Variants in PHACTR1 observed in about 807,000 individuals in gnomAD.
PHACTR1 encodes the protein phosphatase and actin regulator 1.
A neutral mutation model predicts 69.2 loss-of-function variants in PHACTR1; 16 were observed. That is an observed-to-expected ratio of 0.23 (90% CI 0.16 to 0.35). PHACTR1 has a LOEUF of 0.35. Ranked by LOEUF, PHACTR1 falls within the 10% of genes least tolerant of loss-of-function variation. The pLI, the probability that PHACTR1 is intolerant of heterozygous loss-of-function variation, is 1.00. For missense variants in PHACTR1, 510 were observed against 734.7 expected (o/e 0.69, Z 3.54); for synonymous variants, 312 against 284.5 (o/e 1.10, Z -0.97).
chr6:12,986,718 G>T (rs973829936), intron 4 of PHACTR1, among the ~76,000 whole-genome samples: 3 of 152,240 alleles, frequency 2.0e-5, no homozygotes, highest in Non-Finnish European at 2.9e-5. Context: ...CGGAAGATTG[G>T]TGGGGAGGAG....
intron 10 of PHACTR1, among the ~76,000 whole-genome samples, chr6:13,261,367 C>A (rs1775886359): frequency 6.6e-6 from 1 of 152,304 alleles, no homozygotes; most frequent in East Asian, 1.9e-4. Flanking sequence ...GGAAAAGTCA[C>A]CAAGTAGCAT....
At chr6:12,903,078 A>G (rs775490761) in intron 4 of PHACTR1, among the ~76,000 whole-genome samples, 1 of 152,124 alleles carries the variant, frequency 6.6e-6, no homozygotes, top group Non-Finnish European at 1.5e-5. Context: ...GGTGGTGAAG[A>G]GCGAGGGTCC....
intron 4 of PHACTR1, among the ~76,000 whole-genome samples, chr6:12,936,287 A>C (rs577538456): frequency 5.7e-4 from 87 of 152,318 alleles, no homozygotes; most frequent in Non-Finnish European, 1.1e-3. Flanking sequence ...CCACCTATCC[A>C]CTTATCTATA....
At chr6:12,724,810 A>G (rs1165005806) in intron 3 of PHACTR1, among the ~76,000 whole-genome samples, 1 of 152,196 alleles carries the variant, frequency 6.6e-6, no homozygotes, top group Non-Finnish European at 1.5e-5. Context: ...CCACTGTGTG[A>G]GGTTTCTTTT....
chr6:12,777,052 G>A (rs1263859663), intron 4 of PHACTR1, among the ~76,000 whole-genome samples: 2 of 152,120 alleles, frequency 1.3e-5, no homozygotes, highest in Admixed American at 6.5e-5. Flanking sequence ...CCACAAAAAT[G>A]TGTGTGGTGT....
chr6:12,840,915 G>A (rs1345668846), intron 4 of PHACTR1, among the ~76,000 whole-genome samples: 1 of 152,192 alleles, frequency 6.6e-6, no homozygotes, highest in East Asian at 1.9e-4. Context: ...TACAGACTCA[G>A]CAATTGAGTT....
At chr6:13,032,057 G>A (rs1024115746) in intron 4 of PHACTR1, among the ~76,000 whole-genome samples, 9 of 152,114 alleles carry the variant, frequency 5.9e-5, no homozygotes, top group African/African-American at 2.2e-4. Context: ...CCAAATTTCA[G>A]CATCAGGAAA....
chr6:13,158,430 A>G (rs1380634794), intron 5 of PHACTR1, among the ~76,000 whole-genome samples: 1 of 152,094 alleles, frequency 6.6e-6, no homozygotes, highest in Non-Finnish European at 1.5e-5. Context: ...CTGTGGGTAC[A>G]GATTTATGTC....
At chr6:13,026,757 A>C (rs1212072742) in intron 4 of PHACTR1, among the ~76,000 whole-genome samples, 1 of 151,964 alleles carries the variant, frequency 6.6e-6, no homozygotes, top group East Asian at 1.9e-4. Context: ...TGTTGCTGCT[A>C]CATTGCTTCT....
chr6:13,105,522 A>C (rs910184799), intron 5 of PHACTR1, among the ~76,000 whole-genome samples: 27 of 152,114 alleles, frequency 1.8e-4, no homozygotes, highest in Non-Finnish European at 3.5e-4. Flanking sequence ...CAGCAGTTCA[A>C]TTCTGACACT....
intron 3 of PHACTR1, among the ~76,000 whole-genome samples, chr6:12,730,986 T>TTTATTTATTTA (rs1763435511): frequency 5.1e-5 from 7 of 137,996 alleles, no homozygotes; most frequent in South Asian, 2.5e-4. Flanking sequence ...ATATTACCTT[T>TTTATTTATTTA]TTTATTTATT....
chr6:13,277,422 G>C (rs568146389), intron 11 of PHACTR1, among the ~76,000 whole-genome samples: 1 of 152,362 alleles, frequency 6.6e-6, no homozygotes, highest in Admixed American at 6.5e-5. Flanking sequence ...ATCAGGGCTT[G>C]TGAAAGGTGA....
At chr6:12,767,357 CATT>C (rs1302096002) in intron 4 of PHACTR1, among the ~76,000 whole-genome samples, 1 of 152,212 alleles carries the variant, frequency 6.6e-6, no homozygotes, top group African/African-American at 2.4e-5. Context: ...TTAAGAAAGT[CATT>C]ATATGTAGGC....
chr6:13,012,633 C>CT (rs1314104956), intron 4 of PHACTR1, among the ~76,000 whole-genome samples: 1 of 152,182 alleles, frequency 6.6e-6, no homozygotes, highest in African/African-American at 2.4e-5. Context: ...CTCCTGGACC[C>CT]TGCACTGACC....
chr6:12,813,059 G>A (rs1323360127), intron 4 of PHACTR1, among the ~76,000 whole-genome samples: 1 of 152,098 alleles, frequency 6.6e-6, no homozygotes, highest in East Asian at 1.9e-4. Context: ...TCAACTAGGA[G>A]ATAGTAAAAA....
intron 4 of PHACTR1, among the ~76,000 whole-genome samples, chr6:12,958,405 G>A (rs1000426434): frequency 6.6e-6 from 1 of 152,216 alleles, no homozygotes; most frequent in African/African-American, 2.4e-5. Context: ...AATTGAATCC[G>A]CAGCTGTTAT....
intron 4 of PHACTR1, among the ~76,000 whole-genome samples, chr6:12,950,073 T>G (rs1474234211): frequency 6.6e-6 from 1 of 152,224 alleles, no homozygotes. Context: ...ACAATAATCA[T>G]TTTGATAATT....
intron 4 of PHACTR1, among the ~76,000 whole-genome samples, chr6:13,014,190 A>T (rs1799840098): frequency 6.6e-6 from 1 of 151,702 alleles, no homozygotes; most frequent in African/African-American, 2.4e-5. Flanking sequence ...GGAGGCGGGG[A>T]GGTGGCTCGG....
chr6:13,056,529 T>G (rs1583163657), intron 5 of PHACTR1, among the ~76,000 whole-genome samples: 1 of 152,184 alleles, frequency 6.6e-6, no homozygotes, highest in Admixed American at 6.5e-5. Context: ...ATCTTTGTCT[T>G]GTATGTATGT....
Sources: allele counts gnomAD v4.1 joint callset (sites outside exome capture counted in the v4.1 genomes callset), GRCh38; gene constraint gnomAD v4.1.1; transcripts MANE v1.5; gene names NCBI Gene and HGNC (gene_info 2026-07-23, HGNC 2026-07-21).